CTNNA3: variants seen among roughly 807,000 people sequenced by gnomAD.
The protein encoded by CTNNA3 is catenin alpha-3.
Under a neutral mutation model 95.7 loss-of-function variants are expected in CTNNA3, and 76 were observed. That is an observed-to-expected ratio of 0.79 (90% CI 0.66 to 0.96). The LOEUF is 0.96. CTNNA3 is among the 40% of genes least tolerant of loss of function. The pLI, the probability that CTNNA3 is intolerant of heterozygous loss-of-function variation, is 0.00. For missense variants in CTNNA3, 1,191 were observed against 1,089.8 expected, an observed-to-expected ratio of 1.09 and a Z score of -1.31; for synonymous variants, 431 against 374.4, an observed-to-expected ratio of 1.15 and a Z score of -1.74.
intron 2 of CTNNA3, among the ~76,000 whole-genome samples, chr10:67,623,577 T>C (rs966761510): frequency 2.6e-5 from 4 of 152,030 alleles, no homozygotes; most frequent in South Asian, 2.1e-4. Flanking sequence ...TTGACTCTAG[T>C]AAGGAGCGGG....
At chr10:66,146,591 T>C (rs2083899283) in intron 13 of CTNNA3, among the ~76,000 whole-genome samples, 1 of 152,140 alleles carries the variant, frequency 6.6e-6, no homozygotes, top group Non-Finnish European at 1.5e-5. Context: ...AGTTTCACTC[T>C]CGTAACTCAG....
chr10:66,683,727 G>C (rs986271384), intron 9 of CTNNA3, among the ~76,000 whole-genome samples: 1 of 152,100 alleles, frequency 6.6e-6, no homozygotes, highest in Non-Finnish European at 1.5e-5. Context: ...TCAAGTTTGA[G>C]GGAACTGCTA....
chr10:67,291,948 T>G (rs1839853969), intron 5 of CTNNA3, among the ~76,000 whole-genome samples: 1 of 152,186 alleles, frequency 6.6e-6, no homozygotes, highest in Non-Finnish European at 1.5e-5. Flanking sequence ...GGGGAAATTG[T>G]CCATTTATAT....
intron 13 of CTNNA3, among the ~76,000 whole-genome samples, chr10:66,220,081 C>T (rs893581186): frequency 2.0e-5 from 3 of 152,064 alleles, no homozygotes; most frequent in Non-Finnish European, 4.4e-5. Context: ...CGAGATCACG[C>T]CACTGCACTC....
intron 5 of CTNNA3, among the ~76,000 whole-genome samples, chr10:67,491,390 C>T (rs969326037): frequency 2.1e-4 from 32 of 152,268 alleles, no homozygotes; most frequent in Admixed American, 8.5e-4. Context: ...GAAGGAGAAA[C>T]ACATACAGTA....
intron 7 of CTNNA3, chr10:67,054,729 G>A (rs1427902397): frequency 1.3e-5 from 2 of 152,048 alleles, no homozygotes; most frequent in Non-Finnish European, 2.9e-5. Flanking sequence ...TACAATCGAA[G>A]TACAACACTT....
intron 11 of CTNNA3, among the ~76,000 whole-genome samples, chr10:66,439,770 A>C (rs375685293): frequency 1.2e-4 from 19 of 152,284 alleles, no homozygotes; most frequent in African/African-American, 4.3e-4. Context: ...CGAGTTCATC[A>C]ATATGTTACA....
chr10:67,499,941 C>T (rs1839174662), intron 5 of CTNNA3, among the ~76,000 whole-genome samples: 1 of 152,088 alleles, frequency 6.6e-6, no homozygotes, highest in African/African-American at 2.4e-5. Flanking sequence ...TTCAGTTCCG[C>T]TCTGATCTTA....
chr10:67,723,785 C>A (rs1448905908), intron 1 of CTNNA3, among the ~76,000 whole-genome samples: 2 of 152,114 alleles, frequency 1.3e-5, no homozygotes, highest in Admixed American at 1.3e-4. Context: ...AGGATAGTTC[C>A]TAGCAGACCA....
intron 7 of CTNNA3, among the ~76,000 whole-genome samples, chr10:66,795,926 T>G (rs1841171857): frequency 6.6e-6 from 1 of 152,102 alleles, no homozygotes; most frequent in Admixed American, 6.6e-5. Flanking sequence ...CTCACATTTC[T>G]CAGCTTTCAT....
At chr10:67,129,633 C>T (rs763521244) in intron 7 of CTNNA3, among the ~76,000 whole-genome samples, 8 of 152,058 alleles carry the variant, frequency 5.3e-5, no homozygotes, top group Non-Finnish European at 7.4e-5. Flanking sequence ...TACAATCAAA[C>T]GAGCACTTGT....
intron 11 of CTNNA3, among the ~76,000 whole-genome samples, chr10:66,504,125 CTTG>C (rs1295115041): frequency 6.6e-6 from 1 of 152,084 alleles, no homozygotes; most frequent in African/African-American, 2.4e-5. Flanking sequence ...CTATAGTCAG[CTTG>C]TTGTATAATA....
chr10:66,203,770 T>C (rs550253714), intron 13 of CTNNA3, among the ~76,000 whole-genome samples: 1 of 152,300 alleles, frequency 6.6e-6, no homozygotes, highest in Non-Finnish European at 1.5e-5. Context: ...GTTTTTAGCA[T>C]AATTTATTCA....
chr10:66,610,064 C>G (rs1330896503), intron 10 of CTNNA3, among the ~76,000 whole-genome samples: 2 of 151,990 alleles, frequency 1.3e-5, no homozygotes, highest in East Asian at 3.9e-4. Context: ...CAGATGGACA[C>G]ATAGAGGGAA....
intron 11 of CTNNA3, among the ~76,000 whole-genome samples, chr10:66,465,141 G>A (rs1838859285): frequency 6.6e-6 from 1 of 152,100 alleles, no homozygotes; most frequent in Admixed American, 6.6e-5. Flanking sequence ...CTAACAAAAT[G>A]TCCCAATAGA....
chr10:67,091,793 A>G (rs1224861354), intron 7 of CTNNA3, among the ~76,000 whole-genome samples: 1 of 152,076 alleles, frequency 6.6e-6, no homozygotes, highest in Non-Finnish European at 1.5e-5. Context: ...ATGGGCAACA[A>G]GTAGATTAAG....
chr10:66,543,060 A>G (rs1444530779), intron 10 of CTNNA3, among the ~76,000 whole-genome samples: 2 of 152,060 alleles, frequency 1.3e-5, no homozygotes, highest in Non-Finnish European at 2.9e-5. Context: ...AAATTACCAA[A>G]ATGTATATCC....
chr10:66,668,168 A>C (rs923216404), intron 9 of CTNNA3, among the ~76,000 whole-genome samples: 4 of 152,140 alleles, frequency 2.6e-5, no homozygotes, highest in Admixed American at 6.6e-5. Flanking sequence ...TCCAACACTC[A>C]ATTTACTAAT....
chr10:67,760,510 C>T (rs1841456653), intron 1 of CTNNA3, among the ~76,000 whole-genome samples: 1 of 152,100 alleles, frequency 6.6e-6, no homozygotes, highest in Non-Finnish European at 1.5e-5. Context: ...TTATAGAGTG[C>T]ACTTACACTA....
Sources: gnomAD v4.1 joint callset for allele counts (sites outside exome capture counted in the v4.1 genomes callset) on GRCh38, gnomAD v4.1.1 for gene constraint, MANE v1.5 for transcripts, NCBI Gene and HGNC (gene_info 2026-07-23, HGNC 2026-07-21) for gene names.